The following FGFR3 variants were observed in gnomAD, a reference collection of about 807,000 sequenced individuals.
FGFR3 encodes fibroblast growth factor receptor 3, also known as FGFR-3.
In FGFR3, 25 loss-of-function variants were observed where a neutral mutation model predicts 82.9. The observed-to-expected ratio is 0.30, with a 90% CI of 0.22 to 0.42. The LOEUF is 0.42. Ranked by LOEUF, FGFR3 falls within the 10% of genes least tolerant of loss-of-function variation. The probability of loss-of-function intolerance (pLI) is 1.00; values close to 1 mark genes in which losing one functional copy is unlikely to be tolerated. For synonymous variants in FGFR3, 620 were observed against 516.0 expected (o/e 1.20, Z -2.73); for missense variants, 1,026 against 1,161.0 (o/e 0.88, Z 1.69).
chr4:1,803,553 G>T, intron 7 of FGFR3, 139 bp from the exon 8 acceptor site: 2 of 1,435,958 alleles, frequency 1.4e-6, no homozygotes, highest in Non-Finnish European at 1.9e-6. Context: ...GCCGCGTGGC[G>T]GTGACCAAGT....
At chr4:1,798,032 C>T (rs1028093523) in intron 2 of FGFR3, among the ~76,000 whole-genome samples, 12 of 152,148 alleles carry the variant, frequency 7.9e-5, no homozygotes, top group Non-Finnish European at 1.3e-4. Flanking sequence ...ACCCCCGTCC[C>T]GGCCCCAAGC....
intron 3 of FGFR3, 88 bp downstream of exon 3, chr4:1,799,611 T>G: frequency 6.5e-7 from 1 of 1,549,442 alleles, no homozygotes; most frequent in Non-Finnish European, 8.7e-7. Context: ...GCTGGGGGTC[T>G]CTCTGGTCAT....
At position 1,801,349 on chromosome 4, in the gene FGFR3, A is replaced by G. The variant is rs1360923924; in HGVS notation, c.446-18A>G. The G allele has an allele frequency of 6.5e-7, 1 of 1,548,226 alleles. No homozygotes were observed. The highest frequency in any genetic ancestry group is 1.9e-5 in the Admixed American group (1 of 51,978). The stretch of plus-strand genomic sequence containing the variant: ...CTCCCACTCGGGTCATGGCCTTCAC[A>G]CGCACCTCGGCCCGCAGGGGCCCCT... On this transcript the variant is annotated intron_variant, in intron 4 of 17. Coordinates refer to ENST00000440486, the MANE Select transcript of FGFR3 (RefSeq NM_000142.5).
intron 10 of FGFR3, 123 bp downstream of exon 10, chr4:1,805,092 C>A: frequency 7.1e-7 from 1 of 1,401,506 alleles, no homozygotes; most frequent in South Asian, 1.4e-5. Flanking sequence ...TTGGGTGTGG[C>A]TGGGGTTCTG....
chr4:1,793,926 G>C lies in FGFR3; in HGVS notation c.-9G>C, dbSNP rs894568645. 1.1e-5 allele frequency: 14 copies of C among 1,261,732 alleles called. No individual in the cohort carries two copies. Among genetic ancestry groups the C allele is most frequent in the Non-Finnish European group, 1.4e-5 (14 of 987,250 alleles). 78.2% of individuals were successfully genotyped at this position (1,261,732 alleles called of 1,614,324 possible). On this transcript the variant is annotated 5_prime_UTR_variant, in exon 2 of 18. Transcript: ENST00000440486. ...GCTGCCTGAGGACGCCGCGGCCCCC[G>C]CCCCCGCCATGGGCGCCCCTGCCTG...
chr4:1,800,565 C>T (rs1262808056), intron 4 of FGFR3, among the ~76,000 whole-genome samples: 1 of 152,038 alleles, frequency 6.6e-6, no homozygotes, highest in Non-Finnish European at 1.5e-5. Flanking sequence ...TGGGGGTCTC[C>T]AGGAGGCCTG....
intron 4 of FGFR3, among the ~76,000 whole-genome samples, chr4:1,800,630 C>T (rs1216502455): frequency 6.6e-6 from 1 of 152,132 alleles, no homozygotes; most frequent in Non-Finnish European, 1.5e-5. Context: ...CACACTGCTG[C>T]TTGCTGGGCC....
At chr4:1,800,658 C>G (rs942965737) in intron 4 of FGFR3, among the ~76,000 whole-genome samples, 1 of 152,012 alleles carries the variant, frequency 6.6e-6, no homozygotes, top group Non-Finnish European at 1.5e-5. Context: ...CCCTGATGGG[C>G]GTGTGCCTGG....
chr4:1,805,333 G>C (rs1365637617), intron 10 of FGFR3, 22 bp from the exon 11 acceptor site: 15 of 1,609,664 alleles, frequency 9.3e-6, no homozygotes, highest in African/African-American at 1.3e-5. Flanking sequence ...CACACTCATG[G>C]TCCCTCTGCC....
In FGFR3 at chr4:1,799,303, C is replaced by A. The variant is rs143548893; in HGVS notation, c.159C>A (p.Ser53Arg). The change falls in exon 3 of 18, where the codon AGC becomes AGA. Residue 53 changes from serine to arginine, a missense_variant. Around this residue, in one of 9 missense-constraint regions of FGFR3, gnomAD observed 226 missense variants for 222.0 expected, o/e 1.02. Transcript: ENST00000440486. ...PGQQEQLVFG[S>R]GDAVELSCPP... ...AGCAGGAGCAGTTGGTCTTCGGCAG[C>A]GGGGATGCTGTGGAGCTGAGCTGTC... The A allele has an allele frequency of 1.2e-5, 19 of 1,612,574 alleles. No individual in the cohort carries two copies. Among genetic ancestry groups the A allele is most frequent in the Non-Finnish European group, 1.4e-5 (17 of 1,179,970 alleles).
intron 4 of FGFR3, among the ~76,000 whole-genome samples, chr4:1,800,911 T>G (rs1002921241): frequency 2.0e-4 from 30 of 151,924 alleles, no homozygotes; most frequent in African/African-American, 7.0e-4. Context: ...TGGTGTAGGG[T>G]CTTGATTTCC....
In FGFR3 at chr4:1,807,459, C is replaced by T; in HGVS notation, c.*197C>T. 1.2e-6 allele frequency: 1 copy of T among 844,216 alleles called. No homozygotes were observed. The highest frequency in any genetic ancestry group is 2.6e-5 in the East Asian group (1 of 37,810). 52.3% of individuals were successfully genotyped at this position (844,216 alleles called of 1,614,324 possible). ...CCTGTGTGCGTGCGCATCTTGCCTC[C>T]AGGTGCAGAGGTACCCTGGGTGTCC... is the stretch of plus-strand genomic sequence containing the variant. On this transcript the variant is annotated 3_prime_UTR_variant, in exon 18 of 18. Transcript: ENST00000440486.
chr4:1,802,906 C>T (rs745579811), intron 7 of FGFR3: 43 of 1,584,654 alleles, frequency 2.7e-5, no homozygotes, highest in Non-Finnish European at 3.1e-5. Context: ...GGTCTCTTGT[C>T]CCCGCAGTCC....
Position 1,805,447 on chromosome 4 carries a change from C to T in FGFR3, c.1505C>T (p.Pro502Leu), listed in dbSNP as rs1721767045. The change falls in exon 11 of 18, where the codon CCT becomes CTT. Residue 502 changes from proline to leucine, a missense_variant. Transcript: ENST00000440486. ...IGIDKDRAAK[P>L]VTVAVKMLKD... ...ATTGACAAGGACCGGGCCGCCAAGC[C>T]TGTCACCGTAGCCGTGAAGATGCTG... 1.2e-6 allele frequency: 2 copies of T among 1,611,950 alleles called. No homozygotes were observed. Among genetic ancestry groups the T allele is most frequent in the Non-Finnish European group, 1.7e-6 (2 of 1,179,328 alleles).
chr4:1,801,793 G>A (rs753633391), intron 6 of FGFR3, 42 bp from the exon 7 acceptor site: 14 of 1,594,750 alleles, frequency 8.8e-6, no homozygotes, highest in African/African-American at 1.3e-5. Flanking sequence ...GGCGGTGGTG[G>A]TGAGGGAGGG....
chr4:1,803,939 C>A (rs539723024), intron 8 of FGFR3, 103 bp downstream of exon 8: 4 of 1,293,694 alleles, frequency 3.1e-6, no homozygotes, highest in Non-Finnish European at 3.3e-6. Flanking sequence ...GACTTACGGC[C>A]GTCCCGCTTC....
rs1483745365 is a variant in FGFR3 at position 1,799,134 on chromosome 4, G to C, written c.110-120G>C. 3 of 1,386,598 alleles carry C rather than the reference G, an allele frequency of 2.2e-6. No individual in the cohort carries two copies. In the African/African-American group the frequency reaches 4.3e-5, roughly 20 times the overall value. The allele number at this position is 1,386,598 out of a possible 1,614,324, so 85.9% of individuals were successfully genotyped here. A position where few individuals can be genotyped will look rare whatever the true frequency, so the allele number is the denominator to read the frequency against. On this transcript the variant is annotated intron_variant, in intron 2 of 17. Transcript: ENST00000440486. ...ACAGTTTCCAGCCCCTGGTCTGGTG[G>C]GACCCTGGATCTGGGTCAGAGCCTT...
intron 4 of FGFR3, among the ~76,000 whole-genome samples, chr4:1,801,022 A>G (rs1017387309): frequency 6.6e-6 from 1 of 152,088 alleles, no homozygotes; most frequent in Non-Finnish European, 1.5e-5. Flanking sequence ...TGTCCACTAG[A>G]TGGGCCTGCC....
At chr4:1,794,210 C>T (rs1720187823) in intron 2 of FGFR3, among the ~76,000 whole-genome samples, 167 bp downstream of exon 2, 1 of 152,224 alleles carries the variant, frequency 6.6e-6, no homozygotes, top group Non-Finnish European at 1.5e-5. Flanking sequence ...AGAGCTAGCG[C>T]GGCGACTTGT....
Sources: allele counts gnomAD v4.1 joint callset (sites outside exome capture counted in the v4.1 genomes callset), GRCh38; gene constraint gnomAD v4.1.1; regional missense constraint gnomAD v4.1.1; transcripts MANE v1.5; gene names NCBI Gene and HGNC (gene_info 2026-07-23, HGNC 2026-07-21).